TTC23: variants seen among roughly 807,000 people sequenced by gnomAD.
The protein encoded by TTC23 is tetratricopeptide repeat protein 23.
Under a neutral mutation model 55.1 loss-of-function variants are expected in TTC23, and 58 were observed. The ratio of observed to expected loss-of-function variants is 1.05; its 90% CI spans 0.85 to 1.31. The LOEUF (loss-of-function observed/expected upper bound fraction) is 1.31, where lower values mean the gene tolerates loss of function less well. TTC23 is among the 50% of genes most tolerant of loss of function. TTC23 has a pLI of 0.00. For synonymous variants in TTC23, 203 were observed against 199.9 expected, an observed-to-expected ratio of 1.02 and a Z score of -0.13; for missense variants, 516 against 534.4, an observed-to-expected ratio of 0.97 and a Z score of 0.34.
At chr15:99,228,264 T>C (rs1253279005) in intron 5 of TTC23, 4 of 289,052 alleles carry the variant, frequency 1.4e-5, no homozygotes, top group Non-Finnish European at 1.3e-5. Flanking sequence ...GAGCAGAAGC[T>C]GCATCTGCTT....
intron 9 of TTC23, among the ~76,000 whole-genome samples, chr15:99,191,236 A>C (rs895704944): frequency 6.6e-6 from 1 of 152,224 alleles, no homozygotes; most frequent in Admixed American, 6.5e-5. Flanking sequence ...AATACCTTTC[A>C]ATTTTATTTA....
chr15:99,165,674 T>G (rs937373927), intron 10 of TTC23, among the ~76,000 whole-genome samples: 6 of 152,070 alleles, frequency 3.9e-5, no homozygotes, highest in Non-Finnish European at 7.4e-5. Flanking sequence ...CCTCAGAAGG[T>G]TTTGTCTTGG....
At chr15:99,230,167 T>C (rs558562884) in intron 4 of TTC23, among the ~76,000 whole-genome samples, 1 of 152,162 alleles carries the variant, frequency 6.6e-6, no homozygotes, top group Admixed American at 6.5e-5. Context: ...GTATTCTATA[T>C]GTTTAAAAAG....
At position 99,147,331 on chromosome 15, in the gene TTC23, T is replaced by C. The variant is rs1412869327; in HGVS notation, c.1144-7932A>G. Among the ~76,000 whole-genome samples the C allele has an allele frequency of 4.6e-5, 7 of 151,022 alleles. 1 individual carries two copies. In the South Asian group the frequency reaches 6.3e-4, roughly 14 times the overall value. On this transcript the variant is annotated intron_variant, in intron 12 of 13. Transcript: ENST00000394132. ...AGCTCCGCCTCCCAGGTTCACGCCA[T>C]TCTCCTGCCTCAGCCTCCCGAGTAG...
intron 5 of TTC23, among the ~76,000 whole-genome samples, chr15:99,222,338 G>A (rs889441000): frequency 5.9e-5 from 9 of 152,010 alleles, no homozygotes; most frequent in South Asian, 4.1e-4. Context: ...ACAATGGCAC[G>A]ATATCAGCTC....
upstream of TTC23, among the ~76,000 whole-genome samples, chr15:99,250,487 AG>A (rs1360675613): frequency 1.3e-5 from 2 of 152,222 alleles, no homozygotes; most frequent in African/African-American, 2.4e-5. Flanking sequence ...GGCTTTCCAC[AG>A]AACAAAAAAT....
Position 99,221,689 on chromosome 15 carries a change from G to A in TTC23, c.304+52C>T, listed in dbSNP as rs1180335033. On this transcript the variant is annotated intron_variant, in intron 6 of 13. Coordinates refer to ENST00000394132, the MANE Select transcript of TTC23 (RefSeq NM_001288615.3). ...AATTAAGTGTGAATCAAATTTTGGGGAGAACAGCAGAAATCGACCAACTGA... is the reference window on the plus strand; with the variant it reads ...AATTAAGTGTGAATCAAATTTTGGGAAGAACAGCAGAAATCGACCAACTGA... 8 of 1,606,418 alleles carry A rather than the reference G, an allele frequency of 5.0e-6. No individual in the cohort carries two copies. The African/African-American group carries it at 9.4e-5, about 19-fold the overall frequency.
At chr15:99,249,048 C>T (rs982651376) in intron 1 of TTC23, 123 bp downstream of exon 1, 18 of 151,852 alleles carry the variant, frequency 1.2e-4, no homozygotes, top group African/African-American at 4.4e-4. Flanking sequence ...CAAAAATATC[C>T]ATATAAAAAT....
intron 12 of TTC23, among the ~76,000 whole-genome samples, chr15:99,145,970 C>T (rs1286145036): frequency 1.3e-5 from 2 of 152,136 alleles, no homozygotes; most frequent in African/African-American, 4.8e-5. Flanking sequence ...GGGTGCCAGC[C>T]CTGGGGGCAT....
At chr15:99,161,678 A>G (rs2071396637) in intron 11 of TTC23, 62 bp downstream of exon 11, 2 of 1,557,514 alleles carry the variant, frequency 1.3e-6, no homozygotes, top group Non-Finnish European at 1.7e-6. Context: ...TGCAGAGTAA[A>G]GGAGTTGCCC....
intron 8 of TTC23, among the ~76,000 whole-genome samples, chr15:99,205,381 T>C (rs35249012): frequency 0.27 from 41,144 of 152,024 alleles, 6,268 homozygotes; most frequent in African/African-American, 0.42. Context: ...TAGGTTGCTT[T>C]GGGTCGTAGG....
At chr15:99,231,883 C>T (rs994098613) in intron 4 of TTC23, among the ~76,000 whole-genome samples, 6 of 151,650 alleles carry the variant, frequency 4.0e-5, no homozygotes, top group Admixed American at 6.6e-5. Flanking sequence ...ACCTCTACCC[C>T]CCAGGTTCAA....
chr15:99,200,096 C>A lies in TTC23; in HGVS notation c.582G>T (p.Gln194His). 1 of 1,567,086 alleles carries A rather than the reference C, an allele frequency of 6.4e-7. No homozygotes were observed. Among genetic ancestry groups the A allele is most frequent in the Non-Finnish European group, 8.6e-7 (1 of 1,161,868 alleles). Residue 194 changes from glutamine (Q) to histidine (H), a missense_variant and splice_region_variant, in exon 9 of 14, where the codon CAG becomes CAT. Physicochemically the swap from Gln to His is conservative, Grantham distance 24. Coordinates refer to ENST00000394132, the MANE Select transcript of TTC23 (RefSeq NM_001288615.3). Reference protein sequence around the residue: ...IEARIRLSFAQVYQGQKKSKE... With the variant: ...IEARIRLSFAHVYQGQKKSKE... ...TTGACTTCTTCTGACCTTGATACAC[C>A]CTAAAAAAATCAAAGGAATTATTTT...
At chr15:99,155,480 A>G (rs1441775230) in intron 12 of TTC23, 1 of 152,244 alleles carries the variant, frequency 6.6e-6, no homozygotes, top group Non-Finnish European at 1.5e-5. Context: ...AAGAATAGCT[A>G]GAACACCTGA....
At chr15:99,192,853 G>A (rs140953885) in intron 9 of TTC23, among the ~76,000 whole-genome samples, 1 of 152,190 alleles carries the variant, frequency 6.6e-6, no homozygotes, top group South Asian at 2.1e-4. Context: ...AGGCAGCTGG[G>A]AGGGAGGCTG....
chr15:99,225,152 C>T (rs2078286615), intron 5 of TTC23, among the ~76,000 whole-genome samples: 1 of 152,144 alleles, frequency 6.6e-6, no homozygotes, highest in African/African-American at 2.4e-5. Context: ...CTGATAATAG[C>T]CTTGGTTCTC....
chr15:99,190,473 T>C (rs2075154120), intron 9 of TTC23, among the ~76,000 whole-genome samples: 1 of 152,048 alleles, frequency 6.6e-6, no homozygotes, highest in Admixed American at 6.6e-5. Flanking sequence ...CACTGAAGTA[T>C]TCAGGGATAA....
rs563317620 is a variant in TTC23, at chr15:99,199,689, A to G, written c.759+230T>C. On this transcript the variant is annotated intron_variant, in intron 9 of 13. Coordinates refer to ENST00000394132, the MANE Select transcript of TTC23 (RefSeq NM_001288615.3). The stretch of plus-strand genomic sequence containing the variant: ...AGGATAAAGCAACCCCCTTTAGAGC[A>G]TCTCAGGCTGTTTGTGGTTTGTGCA... Among the ~76,000 whole-genome samples, 304 of 152,312 alleles carry G rather than the reference A, an allele frequency of 2.0e-3. 1 individual carries two copies. The highest frequency in any genetic ancestry group is 3.3e-3 in the Non-Finnish European group (226 of 68,034).
chr15:99,221,876 A>C lies in TTC23; in HGVS notation c.181-12T>G, dbSNP rs2077965923. Reference sequence around the variant, plus strand: ...ACGGCCTGTTTGTACTGTTAGGAAGAGAAAACAGGCTTACCAGTTATACAA... The same window carrying C: ...ACGGCCTGTTTGTACTGTTAGGAAGCGAAAACAGGCTTACCAGTTATACAA... On this transcript the variant is annotated splice_polypyrimidine_tract_variant and intron_variant, in intron 5 of 13. Coordinates refer to ENST00000394132, the MANE Select transcript of TTC23 (RefSeq NM_001288615.3). 6.2e-7 allele frequency: 1 copy of C among 1,612,494 alleles called. No individual in the cohort carries two copies. Among genetic ancestry groups the C allele is most frequent in the Admixed American group, 1.7e-5 (1 of 59,748 alleles).
Sources: allele counts gnomAD v4.1 joint callset (sites outside exome capture counted in the v4.1 genomes callset), GRCh38; gene constraint gnomAD v4.1.1; transcripts MANE v1.5; gene names NCBI Gene and HGNC (gene_info 2026-07-23, HGNC 2026-07-21).